Variants in RARB observed in about 807,000 individuals in gnomAD.
The protein encoded by RARB is HBV-activated protein.
Under a neutral mutation model 51.9 loss-of-function variants are expected in RARB, and 17 were observed. The ratio of observed to expected loss-of-function variants is 0.33; its 90% CI spans 0.22 to 0.49. The LOEUF is 0.49. Ranked by LOEUF, RARB falls within the 20% of genes least tolerant of loss-of-function variation. RARB has a pLI of 0.99. For missense variants in RARB, 369 were observed against 550.8 expected (o/e 0.67, Z 3.30); for synonymous variants, 215 against 195.4 (o/e 1.10, Z -0.84).
At chr3:24,934,126 G>C (rs181222042) in intron 2 of RARB, among the ~76,000 whole-genome samples, 12 of 152,230 alleles carry the variant, frequency 7.9e-5, no homozygotes, top group Non-Finnish European at 8.8e-5. Context: ...AGGTATTGCT[G>C]AGGTTTTGTG....
In RARB at chr3:25,185,180, G is replaced by A. The variant is rs149174217; in HGVS notation, c.178+10605G>A. Among the ~76,000 whole-genome samples the A allele has an allele frequency of 4.6e-3, 695 of 152,146 alleles. 5 individuals carry two copies. Among genetic ancestry groups the A allele is most frequent in the African/African-American group, 0.016 (648 of 41,490 alleles). On this transcript the variant is annotated intron_variant, in intron 5 of 11. Coordinates refer to the RARB transcript ENST00000383772. ...TTTTTAATTTCAGAATTCTCAAGGG[G>A]ACAATCCTAAGTTTGGGTATTAGAA...
At chr3:25,560,291 A>G (rs921233455) in intron 3 of RARB, among the ~76,000 whole-genome samples, 10 of 152,214 alleles carry the variant, frequency 6.6e-5, no homozygotes, top group African/African-American at 2.4e-4. Context: ...TATGTGATAT[A>G]AACACCTATA....
chr3:25,361,685 ATGTTGG>A (rs1350240753), intron 5 of RARB, among the ~76,000 whole-genome samples: 1 of 151,768 alleles, frequency 6.6e-6, no homozygotes, highest in Non-Finnish European at 1.5e-5. Context: ...CTTTTTGTTG[ATGTTGG>A]TGCTATTGCT....
intron 5 of RARB, among the ~76,000 whole-genome samples, chr3:25,342,346 G>A (rs1433499282): frequency 6.6e-6 from 1 of 152,186 alleles, no homozygotes; most frequent in Non-Finnish European, 1.5e-5. Flanking sequence ...AAGGAACTTG[G>A]ATGCCAACCC....
intron 5 of RARB, among the ~76,000 whole-genome samples, chr3:25,325,024 T>C (rs1236824730): frequency 6.6e-6 from 1 of 152,184 alleles, no homozygotes; most frequent in Non-Finnish European, 1.5e-5. Flanking sequence ...AACAAAAGAA[T>C]GGCTACTCCA....
intron 2 of RARB, among the ~76,000 whole-genome samples, chr3:25,030,370 G>A (rs999352455): frequency 2.0e-5 from 3 of 152,090 alleles, no homozygotes; most frequent in African/African-American, 4.8e-5. Context: ...ATGTAAATCT[G>A]GAAATTATAA....
At chr3:25,000,076 C>T (rs780522365) in intron 2 of RARB, among the ~76,000 whole-genome samples, 2 of 152,074 alleles carry the variant, frequency 1.3e-5, no homozygotes, top group Non-Finnish European at 2.9e-5. Context: ...CGGCTTCAAT[C>T]ATTAGAATGA....
At chr3:25,054,211 A>G (rs1344537466) in intron 2 of RARB, among the ~76,000 whole-genome samples, 1 of 152,190 alleles carries the variant, frequency 6.6e-6, no homozygotes. Context: ...CCAAATGTGC[A>G]TACACTAATT....
At chr3:25,541,854 C>T (rs1014842989) in intron 3 of RARB, among the ~76,000 whole-genome samples, 2 of 152,172 alleles carry the variant, frequency 1.3e-5, no homozygotes, top group South Asian at 2.1e-4. Context: ...CTCCTGAGCC[C>T]CTCTGTGGTC....
intron 2 of RARB, among the ~76,000 whole-genome samples, chr3:25,487,426 A>G (rs1266959637): frequency 6.6e-6 from 1 of 151,798 alleles, no homozygotes; most frequent in Non-Finnish European, 1.5e-5. Context: ...GAATGCTTAC[A>G]GAACACACAC....
chr3:25,250,046 G>C (rs972899825), intron 5 of RARB, among the ~76,000 whole-genome samples: 22 of 152,242 alleles, frequency 1.4e-4, no homozygotes, highest in Middle Eastern at 3.4e-3. Flanking sequence ...CAGTAGCAGT[G>C]GTAGGACAAC....
At chr3:25,506,525 A>T (rs573095408) in intron 3 of RARB, among the ~76,000 whole-genome samples, 3 of 152,110 alleles carry the variant, frequency 2.0e-5, no homozygotes, top group African/African-American at 7.2e-5. Flanking sequence ...CTGAGGAAGG[A>T]GGATCACTTG....
At chr3:25,295,562 C>A (rs1021363776) in intron 5 of RARB, among the ~76,000 whole-genome samples, 1 of 152,204 alleles carries the variant, frequency 6.6e-6, no homozygotes, top group African/African-American at 2.4e-5. Context: ...ATTAACCTCT[C>A]TGGTCTCTTG....
intron 5 of RARB, among the ~76,000 whole-genome samples, chr3:25,363,613 A>G (rs1305751101): frequency 2.0e-5 from 3 of 152,148 alleles, no homozygotes; most frequent in East Asian, 1.9e-4. Context: ...CTCCACTACC[A>G]TCATCCTGGT....
intron 2 of RARB, chr3:25,020,151 A>ACT (rs1697601951): frequency 5.7e-5 from 1 of 17,462 alleles, no homozygotes; most frequent in Admixed American, 7.3e-4. Flanking sequence ...TATTATTATT[A>ACT]TTATTTTATT....
intron 2 of RARB, among the ~76,000 whole-genome samples, chr3:25,018,903 C>T (rs1394549015): frequency 6.6e-6 from 1 of 152,182 alleles, no homozygotes; most frequent in Non-Finnish European, 1.5e-5. Flanking sequence ...AAACTCATTT[C>T]AGTCATTTTT....
intron 5 of RARB, among the ~76,000 whole-genome samples, chr3:25,291,836 C>G (rs915355115): frequency 5.9e-5 from 9 of 151,998 alleles, no homozygotes; most frequent in African/African-American, 2.2e-4. Flanking sequence ...AAAAATGGCT[C>G]TCAGAACAAT....
At chr3:25,382,027 A>G (rs1706642335) in intron 5 of RARB, among the ~76,000 whole-genome samples, 1 of 152,184 alleles carries the variant, frequency 6.6e-6, no homozygotes, top group African/African-American at 2.4e-5. Flanking sequence ...TAGCTTGAGT[A>G]GGGTGCAAGA....
intron 1 of RARB, among the ~76,000 whole-genome samples, chr3:25,450,303 T>G (rs534513179): frequency 6.6e-6 from 1 of 152,196 alleles, no homozygotes; most frequent in South Asian, 2.1e-4. Flanking sequence ...AATAAATTTC[T>G]AATAATAAAG....
Sources: allele counts gnomAD v4.1 joint callset (sites outside exome capture counted in the v4.1 genomes callset), GRCh38; gene constraint gnomAD v4.1.1; transcripts MANE v1.5; gene names NCBI Gene and HGNC (gene_info 2026-07-23, HGNC 2026-07-21).